HERC4: variants seen among roughly 807,000 people sequenced by gnomAD.
HERC4 encodes the protein HECT and RLD domain containing E3 ubiquitin protein ligase 4.
A neutral mutation model predicts 124.3 loss-of-function variants in HERC4; 28 were observed. The ratio of observed to expected loss-of-function variants is 0.23; its 90% CI spans 0.17 to 0.31. The LOEUF (loss-of-function observed/expected upper bound fraction) is 0.31, where lower values mean the gene tolerates loss of function less well. Ranked by LOEUF, HERC4 falls within the 10% of genes least tolerant of loss-of-function variation. The probability of loss-of-function intolerance (pLI) is 1.00; values close to 1 mark genes in which losing one functional copy is unlikely to be tolerated. For synonymous variants in HERC4, 407 were observed against 421.5 expected, an observed-to-expected ratio of 0.97 and a Z score of 0.42; for missense variants, 713 against 1,229.3, an observed-to-expected ratio of 0.58 and a Z score of 6.28.
At chr10:67,983,308 T>G (rs1216099675) in intron 15 of HERC4, among the ~76,000 whole-genome samples, 1 of 152,206 alleles carries the variant, frequency 6.6e-6, no homozygotes, top group Non-Finnish European at 1.5e-5. Context: ...GAGAACAATT[T>G]GGAGGTTCCT....
In HERC4 at chr10:67,922,828, G is replaced by A; in HGVS notation, c.*103C>T. On this transcript the variant is annotated 3_prime_UTR_variant, in exon 25 of 25. Coordinates refer to ENST00000373700, the MANE Select transcript of HERC4 (RefSeq NM_015601.4). ...CGTAGATTGAACATTCTGCAAGTAA[G>A]AATTATAATAGTACCTCTGTCACCT... The A allele has an allele frequency of 7.3e-6, 6 of 821,194 alleles. No individual in the cohort carries two copies. Among genetic ancestry groups the A allele is most frequent in the Non-Finnish European group, 9.8e-6 (5 of 512,216 alleles). 50.9% of individuals were successfully genotyped at this position (821,194 alleles called of 1,614,324 possible).
At chr10:68,036,818 C>T (rs1262215733) in intron 5 of HERC4, among the ~76,000 whole-genome samples, 1 of 152,120 alleles carries the variant, frequency 6.6e-6, no homozygotes, top group Non-Finnish European at 1.5e-5. Context: ...TACTAATCCC[C>T]TCCTTATTAT....
intron 8 of HERC4, among the ~76,000 whole-genome samples, chr10:68,021,735 G>A (rs1272775146): frequency 1.3e-5 from 2 of 152,130 alleles, no homozygotes; most frequent in African/African-American, 2.4e-5. Flanking sequence ...CTGAACCCAG[G>A]AGGCAGAGGT....
intron 19 of HERC4, among the ~76,000 whole-genome samples, chr10:67,942,675 C>T (rs1033659711): frequency 6.6e-6 from 1 of 152,048 alleles, no homozygotes; most frequent in African/African-American, 2.4e-5. Context: ...CCATGCCTGG[C>T]TAATTTTGTA....
intron 16 of HERC4, chr10:67,959,088 A>G (rs1034960994): frequency 1.3e-6 from 2 of 1,590,566 alleles, no homozygotes; most frequent in Non-Finnish European, 1.7e-6. Context: ...TACTCTAAAC[A>G]TGAGCTTTAT....
At chr10:68,075,029 C>G (rs1263650104) in intron 1 of HERC4, 115 bp downstream of exon 1, 1 of 152,848 alleles carries the variant, frequency 6.5e-6, no homozygotes, top group African/African-American at 2.4e-5. Flanking sequence ...CGCTGAAGCA[C>G]GTCTCCGGCT....
At chr10:68,001,022 T>C (rs2037198005) in intron 9 of HERC4, among the ~76,000 whole-genome samples, 1 of 152,214 alleles carries the variant, frequency 6.6e-6, no homozygotes, top group Non-Finnish European at 1.5e-5. Flanking sequence ...GCCCCTTGCC[T>C]GGCTCCAGGG....
intron 3 of HERC4, among the ~76,000 whole-genome samples, chr10:68,046,176 A>G (rs2133527347): frequency 6.6e-6 from 1 of 152,284 alleles, no homozygotes; most frequent in South Asian, 2.1e-4. Flanking sequence ...ATTTGTTTAT[A>G]TCAAAACATT....
chr10:67,940,127 C>T (rs2032750618), intron 20 of HERC4, among the ~76,000 whole-genome samples: 1 of 152,096 alleles, frequency 6.6e-6, no homozygotes, highest in African/African-American at 2.4e-5. Flanking sequence ...CAGGTTTCAC[C>T]ATGTTGGCCA....
intron 8 of HERC4, among the ~76,000 whole-genome samples, chr10:68,024,865 C>T (rs978652703): frequency 1.2e-4 from 19 of 152,148 alleles, no homozygotes; most frequent in Admixed American, 1.1e-3. Flanking sequence ...TAAGAATCAA[C>T]AGATGAAGCT....
chr10:67,928,930 AAG>A (rs1234704145), intron 23 of HERC4, among the ~76,000 whole-genome samples: 1 of 152,100 alleles, frequency 6.6e-6, no homozygotes, highest in Non-Finnish European at 1.5e-5. Flanking sequence ...CAAAAAAAAA[AAG>A]AGTTGCCTCC....
At chr10:68,066,009 AAAG>A (rs773578515) in intron 3 of HERC4, among the ~76,000 whole-genome samples, 17 of 152,262 alleles carry the variant, frequency 1.1e-4, no homozygotes, top group African/African-American at 3.8e-4. Context: ...AGGGGAACAG[AAAG>A]AAGGTCAACC....
chr10:67,927,399 TATATATATATATATATATATATATA>T (rs2031142504), intron 23 of HERC4, among the ~76,000 whole-genome samples: 15 of 7,816 alleles, frequency 1.9e-3, no homozygotes, highest in African/African-American at 5.5e-3. Flanking sequence ...TATATATATA[TATATATATATATATATATATATATA>T]TATATATTTT....
intron 22 of HERC4, 69 bp from the exon 23 acceptor site, chr10:67,932,849 T>TA: frequency 7.4e-7 from 1 of 1,355,310 alleles, no homozygotes; most frequent in Non-Finnish European, 1.0e-6. Flanking sequence ...ATGTAGTCAT[T>TA]AAAACTTCAA....
Position 68,073,006 on chromosome 10 carries a change from T to C in HERC4, c.103A>G (p.Arg35Gly). ...AGTCCACATCCTACATCTCGGACCCTTTTATTTATAAAGAAGTCACTTTTT... is the reference window on the plus strand; with the variant it reads ...AGTCCACATCCTACATCTCGGACCCCTTTATTTATAAAGAAGTCACTTTTT... ...PRKSDFFINK[R>G]VRDVGCGLRH... is the part of the protein sequence containing the mutation. Residue 35 changes from arginine (R) to glycine (G), a missense_variant, in exon 3 of 25, where the codon AGG becomes GGG. By Grantham distance (125) the Arg-to-Gly change is moderately radical (BLOSUM62 -2). Coordinates refer to ENST00000373700, the MANE Select transcript of HERC4 (RefSeq NM_015601.4). 6.2e-7 allele frequency: 1 copy of C among 1,613,846 alleles called. No homozygotes were observed. The highest frequency in any genetic ancestry group is 8.5e-7 in the Non-Finnish European group (1 of 1,179,754).
chr10:68,070,112 C>T, intron 3 of HERC4: 2 of 985,066 alleles, frequency 2.0e-6, no homozygotes, highest in Non-Finnish European at 2.4e-6. Flanking sequence ...TACATTGTCC[C>T]AGAAATATAA....
chr10:67,971,411 T>C (rs190821915), intron 15 of HERC4, among the ~76,000 whole-genome samples: 1,895 of 152,128 alleles, frequency 0.012, 16 homozygotes, highest in Admixed American at 0.018. Flanking sequence ...TTAAATCCAA[T>C]AATATATATA....
At chr10:68,033,922 T>G in intron 6 of HERC4, 43 bp downstream of exon 6, 1 of 1,504,572 alleles carries the variant, frequency 6.6e-7, no homozygotes, top group Non-Finnish European at 9.2e-7. Context: ...AAAGACCATC[T>G]CTTTCAAAAA....
intron 17 of HERC4, chr10:67,955,424 A>G (rs373036479): frequency 4.6e-6 from 1 of 215,982 alleles, no homozygotes; most frequent in South Asian, 9.3e-5. Flanking sequence ...TTTCTAAAAA[A>G]CATTCACTGG....
Sources: gnomAD v4.1 joint callset for allele counts (sites outside exome capture counted in the v4.1 genomes callset) on GRCh38, gnomAD v4.1.1 for gene constraint, MANE v1.5 for transcripts, NCBI Gene and HGNC (gene_info 2026-07-23, HGNC 2026-07-21) for gene names.